The following WIPI2 variants were observed in gnomAD, a reference collection of about 807,000 sequenced individuals.
WIPI2 encodes the protein WD repeat domain phosphoinositide-interacting protein 2.
A neutral mutation model predicts 52.3 loss-of-function variants in WIPI2; 28 were observed. That is an observed-to-expected ratio of 0.54 (90% confidence interval 0.40 to 0.73). The LOEUF is 0.73. WIPI2 is among the 30% of genes least tolerant of loss of function. WIPI2 has a pLI of 0.00. For missense variants in WIPI2, 506 were observed against 602.9 expected (o/e 0.84, Z 1.68); for synonymous variants, 268 against 245.0 (o/e 1.09, Z -0.88).
At chr7:5,211,162 G>A (rs571568336) in intron 3 of WIPI2, among the ~76,000 whole-genome samples, 1 of 152,210 alleles carries the variant, frequency 6.6e-6, no homozygotes, top group Non-Finnish European at 1.5e-5. Flanking sequence ...AGGAACATGT[G>A]CATCATGTGA....
At chr7:5,197,249 G>A (rs1781800484) in intron 2 of WIPI2, among the ~76,000 whole-genome samples, 1 of 151,564 alleles carries the variant, frequency 6.6e-6, no homozygotes, top group Non-Finnish European at 1.5e-5. Context: ...TAAGGACACA[G>A]GAAGGTATAC....
chr7:5,219,587 C>G (rs570745815), intron 7 of WIPI2, among the ~76,000 whole-genome samples: 3 of 152,184 alleles, frequency 2.0e-5, no homozygotes, highest in Non-Finnish European at 1.5e-5. Context: ...AGGCCTGTGA[C>G]TTAATCCTGC....
At chr7:5,191,320 C>T (rs1781474093) in intron 1 of WIPI2, among the ~76,000 whole-genome samples, 1 of 152,186 alleles carries the variant, frequency 6.6e-6, no homozygotes, top group East Asian at 1.9e-4. Context: ...CCGTGCGCGG[C>T]CCTCCCTGTT....
intron 8 of WIPI2, 124 bp from the exon 9 acceptor site, chr7:5,225,699 G>T: frequency 1.6e-6 from 1 of 626,734 alleles, no homozygotes; most frequent in Non-Finnish European, 2.8e-6. Context: ...GTGGCTAGAG[G>T]GGAATAAAAC....
chr7:5,196,956 AC>A (rs1417916642), intron 2 of WIPI2, among the ~76,000 whole-genome samples: 2 of 151,816 alleles, frequency 1.3e-5, no homozygotes, highest in African/African-American at 4.8e-5. Context: ...TACTAGAAAT[AC>A]AAAAATTAGC....
rs1347862631 is a variant in WIPI2 at position 5,230,869 on chromosome 7, C to A, written c.1287C>A (p.Ala429=). The change falls in exon 13 of 13, where the codon GCC becomes GCA. Residue 429 remains alanine, a synonymous_variant. Coordinates refer to ENST00000288828, the MANE Select transcript of WIPI2 (RefSeq NM_015610.4). The surrounding 1 kb of genome is among the most constrained non-coding windows in gnomAD (Gnocchi z 4.8). ...ACGACCTGGGTGCTGTGGGTGGCGC[C>A]TGCCTGGAGGACGAGGCCAGCGCCC... is the stretch of plus-strand genomic sequence containing the variant. The part of the protein sequence containing the change: ...YTDDLGAVGG[A]CLEDEASALR... 6.2e-7 allele frequency: 1 copy of A among 1,613,918 alleles called. No individual in the cohort carries two copies. Among genetic ancestry groups the A allele is most frequent in the South Asian group, 1.1e-5 (1 of 91,038 alleles).
intron 3 of WIPI2, among the ~76,000 whole-genome samples, chr7:5,200,639 C>T (rs181854177): frequency 4.6e-5 from 7 of 152,196 alleles, no homozygotes; most frequent in East Asian, 1.9e-4. Context: ...CCGCACCCTC[C>T]GTCTCCCCCA....
At chr7:5,200,005 A>G (rs1781945814) in intron 3 of WIPI2, among the ~76,000 whole-genome samples, 1 of 152,208 alleles carries the variant, frequency 6.6e-6, no homozygotes, top group South Asian at 2.1e-4. Context: ...CAGAAAATTG[A>G]AAATTTTACA....
Position 5,193,089 on chromosome 7 carries a change from T to TTTTTG in WIPI2, c.75-14_75-10dup, listed in dbSNP as rs747668875. The TTTTTG allele has an allele frequency of 1.9e-5, 30 of 1,601,782 alleles. No individual in the cohort carries two copies. The African/African-American group carries it at 2.7e-4, about 14-fold the overall frequency. Reference sequence around the variant, plus strand: ...GTTTTATTTGTTTTTTACCATTTGTTTTTTGTTTTGTTTTGTTTTTTTACC... The same window carrying TTTTTG: ...GTTTTATTTGTTTTTTACCATTTGTTTTTTGTTTTGTTTTGTTTTGTTTTTTTACC... On this transcript the variant is annotated intron_variant, in intron 1 of 12. Transcript: ENST00000288828.
intron 11 of WIPI2, among the ~76,000 whole-genome samples, chr7:5,228,852 C>T (rs1207424096): frequency 6.6e-6 from 1 of 152,136 alleles, no homozygotes; most frequent in East Asian, 1.9e-4. Flanking sequence ...CCTCAGCCTC[C>T]CTAGTAGCTG....
Position 5,216,667 on chromosome 7 carries a change from A to G in WIPI2, c.478+8A>G, listed in dbSNP as rs762712677. The G allele has an allele frequency of 3.1e-6, 5 of 1,613,652 alleles. No homozygotes were observed. Among genetic ancestry groups the G allele is most frequent in the Non-Finnish European group, 4.2e-6 (5 of 1,179,582 alleles). On this transcript the variant is annotated splice_region_variant and intron_variant, in intron 5 of 12. Transcript: ENST00000288828. ...CGCCTCCAAACCCTGCAGGTGAGCT[A>G]ACTTGTGAGGAGAGAATCCCATTTT... is the stretch of plus-strand genomic sequence containing the variant.
rs549750284 is a variant in WIPI2, at chr7:5,227,966, G to T, written c.1014-138G>T. The T allele has an allele frequency of 2.1e-5, 17 of 791,890 alleles. 1 individual carries two copies. The highest frequency in any genetic ancestry group is 1.4e-4 in the African/African-American group (8 of 58,480). The allele number at this position is 791,890 out of a possible 1,614,324, so 49.1% of individuals were successfully genotyped here. On this transcript the variant is annotated intron_variant, in intron 10 of 12. Transcript: ENST00000288828. This position sits in a 1 kb window ranked among gnomAD's most constrained non-coding sequence, Gnocchi z 8.1. ...TGGCCGTGTGAGCCGAGGTCAGTGG[G>T]GCGCCAGACACCTGCAGCTGCCCTT...
At chr7:5,196,021 G>A (rs147883857) in intron 2 of WIPI2, among the ~76,000 whole-genome samples, 14 of 151,114 alleles carry the variant, frequency 9.3e-5, no homozygotes, top group African/African-American at 3.4e-4. Context: ...CTGGGCAACA[G>A]AGCAAGACTC....
intron 3 of WIPI2, among the ~76,000 whole-genome samples, chr7:5,202,487 G>A (rs974797486): frequency 1.3e-5 from 2 of 152,160 alleles, no homozygotes; most frequent in South Asian, 2.1e-4. Context: ...GGGCTCAAGC[G>A]ATCCTCCCTC....
At chr7:5,193,523 C>T (rs1475074012) in intron 2 of WIPI2, among the ~76,000 whole-genome samples, 1 of 152,152 alleles carries the variant, frequency 6.6e-6, no homozygotes, top group East Asian at 1.9e-4. Flanking sequence ...GCTTATTGTG[C>T]TGGGAAGGTA....
rs1197496493 is a variant in WIPI2, at chr7:5,232,232, TG to T, written c.*1289del. 1 of 398,560 alleles carries T rather than the reference TG, an allele frequency of 2.5e-6. No homozygotes were observed. Among genetic ancestry groups the T allele is most frequent in the East Asian group, 3.6e-5 (1 of 28,090 alleles). The allele number at this position is 398,560 out of a possible 1,614,324, so 24.7% of individuals were successfully genotyped here. A position where few individuals can be genotyped will look rare whatever the true frequency, so the allele number is the denominator to read the frequency against. On this transcript the variant is annotated 3_prime_UTR_variant, in exon 13 of 13. Transcript: ENST00000288828. ...AACTATTTACCCTGCCTTTGCAGGC[TG>T]GGGTTTTTGAACCGAGGAAGGCTGG...
rs531818632 is a variant in WIPI2, at chr7:5,218,091, C to T, written c.669+77C>T. The T allele has an allele frequency of 3.4e-5, 51 of 1,482,372 alleles. No individual in the cohort carries two copies. The East Asian group carries it at 6.6e-4, about 19-fold the overall frequency. The allele number at this position is 1,482,372 out of a possible 1,614,324, so 91.8% of individuals were successfully genotyped here. A position where few individuals can be genotyped will look rare whatever the true frequency, so the allele number is the denominator to read the frequency against. On this transcript the variant is annotated intron_variant, in intron 7 of 12. Coordinates refer to ENST00000288828, the MANE Select transcript of WIPI2 (RefSeq NM_015610.4). ...TTTTCAGTTCTGTTCACACAGCCAC[C>T]TTAGAGGCAAGGTCCTATACTTACC...
Position 5,216,636 on chromosome 7 carries a change from G to A in WIPI2, c.455G>A (p.Arg152Lys), listed in dbSNP as rs759264905. The A allele has an allele frequency of 6.2e-7, 1 of 1,614,204 alleles. No individual in the cohort carries two copies. The highest frequency in any genetic ancestry group is 8.5e-7 in the Non-Finnish European group (1 of 1,180,038). ...IRDMKVLHTIRETPPNPAGLC... is the reference protein window; with the variant it reads ...IRDMKVLHTIKETPPNPAGLC... ...GACATGAAGGTGCTGCATACGATCAGGGAGACGCCTCCAAACCCTGCAGGT... is the reference window on the plus strand; with the variant it reads ...GACATGAAGGTGCTGCATACGATCAAGGAGACGCCTCCAAACCCTGCAGGT... Residue 152 changes from arginine (R) to lysine (K), a missense_variant, in exon 5 of 13, where the codon AGG (arginine) becomes AAG (lysine). Around this residue, in one of 4 missense-constraint regions of WIPI2, gnomAD observed 237 missense variants for 346.9 expected, o/e 0.68. Transcript: ENST00000288828.
chr7:5,232,346 T>C lies in WIPI2; in HGVS notation c.*1399T>C, dbSNP rs1237146638. On this transcript the variant is annotated 3_prime_UTR_variant, in exon 13 of 13. Transcript: ENST00000288828. ...CCTCAGCTGAGCGGCTGCGGTGAAA[T>C]GCCCCAGTGTTCCTGGGTTGGCTTT... is the stretch of plus-strand genomic sequence containing the variant. 4 of 398,476 alleles carry C rather than the reference T, an allele frequency of 1.0e-5. No homozygotes were observed. Among genetic ancestry groups the C allele is most frequent in the Non-Finnish European group, 1.3e-5 (3 of 226,078 alleles). The allele number at this position is 398,476 out of a possible 1,614,324, so 24.7% of individuals were successfully genotyped here.
Sources: gnomAD v4.1 joint callset for allele counts (sites outside exome capture counted in the v4.1 genomes callset) on GRCh38, gnomAD v4.1.1 for gene constraint, gnomAD v4.1.1 regional missense constraint, Gnocchi (gnomAD v3.1) non-coding constraint, MANE v1.5 for transcripts, NCBI Gene and HGNC (gene_info 2026-07-23, HGNC 2026-07-21) for gene names.